EXOC4: variants seen among roughly 807,000 people sequenced by gnomAD.
EXOC4 encodes SEC8-like 1.
A neutral mutation model predicts 107.2 loss-of-function variants in EXOC4; 71 were observed. That is an observed-to-expected ratio of 0.66 (90% CI 0.55 to 0.81). EXOC4 has a LOEUF of 0.81. Among genes scored for constraint, EXOC4 ranks in the 30% least tolerant of loss-of-function variants. The probability of loss-of-function intolerance (pLI) is 0.00; values close to 1 mark genes in which losing one functional copy is unlikely to be tolerated. For synonymous variants in EXOC4, 456 were observed against 441.2 expected (o/e 1.03, Z -0.42); for missense variants, 1,108 against 1,189.6 (o/e 0.93, Z 1.01).
At chr7:133,395,658 A>G (rs1431014746) in intron 7 of EXOC4, among the ~76,000 whole-genome samples, 1 of 152,046 alleles carries the variant, frequency 6.6e-6, no homozygotes, top group Non-Finnish European at 1.5e-5. Context: ...AAAATTATAT[A>G]TATATACACT....
chr7:133,777,137 G>A (rs10266990), intron 10 of EXOC4, among the ~76,000 whole-genome samples: 130,999 of 151,966 alleles, frequency 0.86, 56,622 homozygotes, highest in East Asian at 0.99. Flanking sequence ...GATTTAAAAT[G>A]GTGAGTTTTA....
chr7:133,958,452 C>A (rs1033322724), intron 14 of EXOC4, among the ~76,000 whole-genome samples: 2 of 152,080 alleles, frequency 1.3e-5, no homozygotes, highest in African/African-American at 4.8e-5. Context: ...ATATTTAAAG[C>A]AATATATTTA....
intron 17 of EXOC4, among the ~76,000 whole-genome samples, chr7:134,018,871 A>G (rs1461685126): frequency 6.6e-6 from 1 of 152,078 alleles, no homozygotes; most frequent in Non-Finnish European, 1.5e-5. Flanking sequence ...TATGAAAATA[A>G]TATGGGTTTT....
intron 17 of EXOC4, among the ~76,000 whole-genome samples, chr7:134,055,631 A>G (rs1795903196): frequency 6.6e-6 from 1 of 151,756 alleles, no homozygotes; most frequent in Admixed American, 6.6e-5. Flanking sequence ...TCACCATCTC[A>G]TTTCCAACCC....
chr7:133,857,200 A>T lies in EXOC4; in HGVS notation c.1735-38399A>T, dbSNP rs796972220. Among the ~76,000 whole-genome samples the T allele has an allele frequency of 6.3e-3, 167 of 26,378 alleles. 13 individuals are homozygous for T. The highest frequency in any genetic ancestry group is 8.5e-3 in the Non-Finnish European group (124 of 14,626). The allele number at this position is 26,378 out of a possible 152,430, so 17.3% of individuals were successfully genotyped here. ...TATATATATATATATATATATATAT[A>T]TTTTACCTCTACTTAACCTCCCTGG... On this transcript the variant is annotated intron_variant, in intron 11 of 17. Coordinates refer to ENST00000253861, the MANE Select transcript of EXOC4 (RefSeq NM_021807.4).
chr7:133,998,041 G>C (rs1278052609), intron 15 of EXOC4, among the ~76,000 whole-genome samples: 1 of 152,188 alleles, frequency 6.6e-6, no homozygotes, highest in Non-Finnish European at 1.5e-5. Flanking sequence ...TGGTAGCTTT[G>C]CTATTGTGGT....
chr7:133,567,360 C>A lies in EXOC4; in HGVS notation c.1418-62685C>A, dbSNP rs573029671. On this transcript the variant is annotated intron_variant, in intron 9 of 17. Transcript: ENST00000253861. ...TTTTGTATATCATGGAGTTTTATTT[C>A]TTCTTTCTTTGTTATGGCAAGAGTA... is the stretch of plus-strand genomic sequence containing the variant. 2.7e-5 allele frequency among the ~76,000 whole-genome samples: 4 copies of A among 149,678 alleles called. No homozygotes were observed. In the South Asian group the frequency reaches 8.5e-4, roughly 32 times the overall value.
rs192052124 is a variant in EXOC4, at chr7:133,256,183, A to G, written c.86+2996A>G. On this transcript the variant is annotated intron_variant, in intron 1 of 17. Coordinates refer to ENST00000253861, the MANE Select transcript of EXOC4 (RefSeq NM_021807.4). ...TTTTTAGTAGAGGCAGGGTTTCACC[A>G]TGTTAGCCAGGATGGTTTTGATCTC... Among the ~76,000 whole-genome samples, 238 of 152,194 alleles carry G rather than the reference A, an allele frequency of 1.6e-3. 1 individual carries two copies. The highest frequency in any genetic ancestry group is 2.1e-3 in the Non-Finnish European group (143 of 67,980).
At chr7:133,852,255 C>T (rs749268593) in intron 11 of EXOC4, among the ~76,000 whole-genome samples, 19 of 146,954 alleles carry the variant, frequency 1.3e-4, no homozygotes, top group Non-Finnish European at 2.5e-4. Flanking sequence ...CGGAGTCTTG[C>T]TCTGTCACCC....
At chr7:133,527,572 A>G (rs1436925109) in intron 9 of EXOC4, among the ~76,000 whole-genome samples, 2 of 152,308 alleles carry the variant, frequency 1.3e-5, no homozygotes, top group African/African-American at 4.8e-5. Flanking sequence ...CACTCTGAGC[A>G]ATAGGTAAAG....
chr7:133,514,869 T>G (rs1799843063), intron 9 of EXOC4, among the ~76,000 whole-genome samples: 1 of 152,136 alleles, frequency 6.6e-6, no homozygotes, highest in Non-Finnish European at 1.5e-5. Context: ...TTATGCTCAT[T>G]GTACTATGAT....
chr7:133,497,774 C>G (rs1403471259), intron 9 of EXOC4, among the ~76,000 whole-genome samples: 5 of 152,078 alleles, frequency 3.3e-5, no homozygotes, highest in Admixed American at 6.6e-5. Flanking sequence ...ACCCTGGTCT[C>G]CCGCGTGACA....
intron 13 of EXOC4, among the ~76,000 whole-genome samples, chr7:133,919,672 A>G (rs1475287462): frequency 1.3e-5 from 2 of 152,142 alleles, no homozygotes; most frequent in South Asian, 2.1e-4. Flanking sequence ...TTGCTTAGCA[A>G]TGTGCATTTA....
chr7:133,409,348 T>C (rs1049318891), intron 7 of EXOC4, among the ~76,000 whole-genome samples: 1 of 152,220 alleles, frequency 6.6e-6, no homozygotes, highest in African/African-American at 2.4e-5. Flanking sequence ...GAGAAATCCA[T>C]GTATAAATGT....
chr7:133,841,536 C>T (rs553472615), intron 11 of EXOC4, among the ~76,000 whole-genome samples: 1 of 152,138 alleles, frequency 6.6e-6, no homozygotes, highest in South Asian at 2.1e-4. Flanking sequence ...CATTCTTATT[C>T]TACAAAGAGG....
In EXOC4 at chr7:133,289,050, G is replaced by A. The variant is rs778741092; in HGVS notation, c.405G>A (p.Lys135=). ...LNLLDEIENI[K]QVPQKLEQCM... ...TGTTGGATGAAATTGAGAATATCAA[G>A]CAAGTGCCTCAAAAGCTGGAACAGT... Residue 135 remains lysine (K), a synonymous_variant, in exon 3 of 18, where the codon AAG becomes AAA. Coordinates refer to ENST00000253861, the MANE Select transcript of EXOC4 (RefSeq NM_021807.4). 2 of 1,614,198 alleles carry A rather than the reference G, an allele frequency of 1.2e-6. No individual in the cohort carries two copies. Among genetic ancestry groups the A allele is most frequent in the Non-Finnish European group, 1.7e-6 (2 of 1,180,000 alleles).
chr7:133,793,859 TA>T (rs1242122897), intron 10 of EXOC4, among the ~76,000 whole-genome samples: 1 of 3,458 alleles, frequency 2.9e-4, no homozygotes, highest in Non-Finnish European at 4.3e-3. Flanking sequence ...AAAAAATAAA[TA>T]AAAATAAATA....
intron 5 of EXOC4, among the ~76,000 whole-genome samples, chr7:133,326,680 G>A (rs1233204530): frequency 6.6e-6 from 1 of 152,204 alleles, no homozygotes; most frequent in African/African-American, 2.4e-5. Context: ...GGGGCAGTCT[G>A]TCCGTTCTCA....
At chr7:133,744,844 C>T (rs1795641231) in intron 10 of EXOC4, among the ~76,000 whole-genome samples, 1 of 152,170 alleles carries the variant, frequency 6.6e-6, no homozygotes, top group African/African-American at 2.4e-5. Context: ...ATGAATTGCA[C>T]ATGCAGCCAA....
Sources: allele counts gnomAD v4.1 joint callset (sites outside exome capture counted in the v4.1 genomes callset), GRCh38; gene constraint gnomAD v4.1.1; transcripts MANE v1.5; gene names NCBI Gene and HGNC (gene_info 2026-07-23, HGNC 2026-07-21).